Variants in DPP10 observed in about 807,000 individuals in gnomAD.
DPP10 encodes dipeptidyl peptidase like 10.
In DPP10, 33 loss-of-function variants were observed where a neutral mutation model predicts 120.9. The observed-to-expected ratio is 0.27, with a 90% CI of 0.21 to 0.37. The LOEUF (loss-of-function observed/expected upper bound fraction) is 0.37, where lower values mean the gene tolerates loss of function less well. Ranked by LOEUF, DPP10 falls within the 10% of genes least tolerant of loss-of-function variation. The pLI is 1.00. For synonymous variants in DPP10, 337 were observed against 326.1 expected (o/e 1.03, Z -0.36); for missense variants, 816 against 942.8 (o/e 0.87, Z 1.76).
chr2:114,761,533 T>C (rs1254700604), intron 1 of DPP10, among the ~76,000 whole-genome samples: 2 of 152,152 alleles, frequency 1.3e-5, no homozygotes, highest in Non-Finnish European at 1.5e-5. Context: ...TGTAATAAGA[T>C]TGGGAATTTC....
intron 1 of DPP10, among the ~76,000 whole-genome samples, chr2:114,850,206 T>C (rs1688851379): frequency 6.6e-6 from 1 of 152,038 alleles, no homozygotes; most frequent in African/African-American, 2.4e-5. Flanking sequence ...TGTGTGTTTA[T>C]TGAAGAGATG....
chr2:114,647,155 C>T (rs996646743), intron 1 of DPP10, among the ~76,000 whole-genome samples: 1 of 152,194 alleles, frequency 6.6e-6, no homozygotes, highest in African/African-American at 2.4e-5. Context: ...TTAGCGAGAG[C>T]AGCTCTGAAT....
At chr2:114,680,342 A>G (rs942518089) in intron 1 of DPP10, among the ~76,000 whole-genome samples, 1 of 151,982 alleles carries the variant, frequency 6.6e-6, no homozygotes. Context: ...TGTGTTTATT[A>G]TCAAAACAAC....
Position 114,617,634 on chromosome 2 carries a change from C to G in DPP10, c.60+174796C>G, listed in dbSNP as rs932366129. Among the ~76,000 whole-genome samples the G allele has an allele frequency of 1.1e-4, 16 of 152,030 alleles. No individual in the cohort carries two copies. The East Asian group carries it at 3.1e-3, about 29-fold the overall frequency. ...TTTAGTGTTCTCCAATTATTTCACT[C>G]ATTTAAAGGCTGTATCCAGAAGGGG... On this transcript the variant is annotated intron_variant, in intron 1 of 25. Transcript: ENST00000410059.
chr2:114,585,383 T>C (rs949606516), intron 1 of DPP10, among the ~76,000 whole-genome samples: 1 of 152,216 alleles, frequency 6.6e-6, no homozygotes, highest in African/African-American at 2.4e-5. Flanking sequence ...TATCTGTGAT[T>C]GCCAGATTCA....
At chr2:115,042,645 C>T (rs1452026733) in intron 1 of DPP10, among the ~76,000 whole-genome samples, 1 of 152,172 alleles carries the variant, frequency 6.6e-6, no homozygotes. Context: ...TTTGGTCTCT[C>T]CTACTGTAGA....
chr2:115,835,498 T>C (rs1254290508), intron 21 of DPP10, among the ~76,000 whole-genome samples: 1 of 152,176 alleles, frequency 6.6e-6, no homozygotes, highest in Non-Finnish European at 1.5e-5. Flanking sequence ...ACATTTCCTT[T>C]ATAGACATAA....
intron 5 of DPP10, among the ~76,000 whole-genome samples, chr2:115,616,640 G>A (rs987810991): frequency 6.6e-6 from 1 of 151,982 alleles, no homozygotes; most frequent in African/African-American, 2.4e-5. Context: ...GACAAAGTTG[G>A]CCATAACCTC....
intron 1 of DPP10, among the ~76,000 whole-genome samples, chr2:115,190,535 C>G (rs2054802219): frequency 6.6e-6 from 1 of 152,108 alleles, no homozygotes; most frequent in Admixed American, 6.5e-5. Context: ...TTCACTGCAC[C>G]CTGTTAAGTC....
At chr2:115,585,145 G>A (rs985610451) in intron 5 of DPP10, among the ~76,000 whole-genome samples, 1 of 152,118 alleles carries the variant, frequency 6.6e-6, no homozygotes, top group Non-Finnish European at 1.5e-5. Flanking sequence ...TGATTTTCAG[G>A]CTATGAGGGC....
intron 4 of DPP10, among the ~76,000 whole-genome samples, chr2:115,519,898 T>C (rs576435348): frequency 2.6e-5 from 4 of 152,334 alleles, no homozygotes; most frequent in African/African-American, 9.6e-5. Flanking sequence ...TAATATATAC[T>C]TAATTACATG....
At chr2:115,244,237 TATAGAGAGAGAGAGAGAGAGAGAG>T (rs1279375214) in intron 1 of DPP10, among the ~76,000 whole-genome samples, 1 of 67,094 alleles carries the variant, frequency 1.5e-5, no homozygotes, top group Non-Finnish European at 2.8e-5. Context: ...TATATATATA[TATAGAGAGAGAGAGAGAGAGAGAG>T]AGAGAGAGAG....
chr2:115,580,983 G>T (rs1333958531), intron 5 of DPP10, among the ~76,000 whole-genome samples: 1 of 152,156 alleles, frequency 6.6e-6, no homozygotes, highest in African/African-American at 2.4e-5. Context: ...GCCTAGAGAG[G>T]TTAGATCACT....
At chr2:115,253,984 C>G (rs561984109) in intron 1 of DPP10, among the ~76,000 whole-genome samples, 1 of 152,150 alleles carries the variant, frequency 6.6e-6, no homozygotes, top group African/African-American at 2.4e-5. Context: ...GCCTGGGCGG[C>G]CAGGCTTTTC....
In DPP10 at chr2:114,618,640, G is replaced by A. The variant is rs116288712; in HGVS notation, c.60+175802G>A. Among the ~76,000 whole-genome samples the A allele has an allele frequency of 7.5e-3, 1,148 of 152,076 alleles. 11 individuals are homozygous for A. Among genetic ancestry groups the A allele is most frequent in the African/African-American group, 0.026 (1,090 of 41,502 alleles). On this transcript the variant is annotated intron_variant, in intron 1 of 25. Transcript: ENST00000410059. ...AATAATAATACTAATAATAGTTCAG[G>A]TGGGGATTAAAATATAATCAAAACA...
At chr2:115,015,796 T>C (rs987208991) in intron 1 of DPP10, among the ~76,000 whole-genome samples, 28 of 152,096 alleles carry the variant, frequency 1.8e-4, no homozygotes, top group Non-Finnish European at 4.4e-5. Flanking sequence ...TTATAAGGGA[T>C]GTGAAGGACC....
intron 2 of DPP10, among the ~76,000 whole-genome samples, chr2:115,310,019 G>A (rs537534333): frequency 2.6e-5 from 4 of 152,130 alleles, no homozygotes; most frequent in African/African-American, 9.6e-5. Context: ...CTCTTTAGTA[G>A]GTACTAATAA....
chr2:115,286,532 T>TTACATATATA (rs2060406344), intron 1 of DPP10, among the ~76,000 whole-genome samples: 30 of 116,462 alleles, frequency 2.6e-4, no homozygotes, highest in African/African-American at 8.4e-4. Flanking sequence ...ATATAATATA[T>TTACATATATA]ATATATATAA....
intron 3 of DPP10, among the ~76,000 whole-genome samples, chr2:115,445,706 C>A (rs1347181800): frequency 6.6e-6 from 1 of 152,102 alleles, no homozygotes; most frequent in Non-Finnish European, 1.5e-5. Flanking sequence ...AAATTTGCAG[C>A]CTGACCATGT....
Sources: gnomAD v4.1 joint callset for allele counts (sites outside exome capture counted in the v4.1 genomes callset) on GRCh38, gnomAD v4.1.1 for gene constraint, MANE v1.5 for transcripts, NCBI Gene and HGNC (gene_info 2026-07-23, HGNC 2026-07-21) for gene names.